The following GPC5 variants were observed in gnomAD, a reference collection of about 807,000 sequenced individuals.
GPC5 encodes glypican 5.
In GPC5, 47 loss-of-function variants were observed where a neutral mutation model predicts 53.9. That is an observed-to-expected ratio of 0.87 (90% CI 0.69 to 1.11). The LOEUF (loss-of-function observed/expected upper bound fraction) is 1.11, where lower values mean the gene tolerates loss of function less well. GPC5 is among the 50% of genes most tolerant of loss of function. The pLI is 0.00. For missense variants in GPC5, 748 were observed against 713.1 expected (o/e 1.05, Z -0.56); for synonymous variants, 286 against 263.3 (o/e 1.09, Z -0.84).
At chr13:92,676,193 G>T (rs1431917254) in intron 7 of GPC5, among the ~76,000 whole-genome samples, 2 of 152,074 alleles carry the variant, frequency 1.3e-5, no homozygotes, top group Non-Finnish European at 2.9e-5. Flanking sequence ...GACATTGATG[G>T]TTGGTGAAAA....
intron 3 of GPC5, among the ~76,000 whole-genome samples, chr13:91,726,770 G>T (rs2036583999): frequency 6.6e-6 from 1 of 152,120 alleles, no homozygotes; most frequent in Non-Finnish European, 1.5e-5. Context: ...TTCTGGCCTT[G>T]ACATTTTCCA....
At chr13:91,596,892 C>T (rs2033014147) in intron 2 of GPC5, among the ~76,000 whole-genome samples, 1 of 152,112 alleles carries the variant, frequency 6.6e-6, no homozygotes, top group Admixed American at 6.6e-5. Flanking sequence ...ATAGACTGAT[C>T]AATATTCTGG....
At chr13:92,782,537 T>A (rs1876066674) in intron 7 of GPC5, among the ~76,000 whole-genome samples, 1 of 152,104 alleles carries the variant, frequency 6.6e-6, no homozygotes, top group African/African-American at 2.4e-5. Context: ...TTTCTGACTG[T>A]AAGGGAAAAT....
chr13:92,831,738 GCT>G (rs1566436731), intron 7 of GPC5, among the ~76,000 whole-genome samples: 1 of 152,152 alleles, frequency 6.6e-6, no homozygotes, highest in Non-Finnish European at 1.5e-5. Context: ...TGTTATCTGA[GCT>G]CTCTCTGTAT....
chr13:92,324,339 A>G (rs1054541802), intron 7 of GPC5, among the ~76,000 whole-genome samples: 5 of 151,972 alleles, frequency 3.3e-5, no homozygotes, highest in Non-Finnish European at 4.4e-5. Flanking sequence ...TTTCAATGTT[A>G]ACCCCCAAAT....
intron 7 of GPC5, among the ~76,000 whole-genome samples, chr13:92,669,676 C>A (rs75828241): frequency 0.22 from 33,582 of 152,052 alleles, 4,350 homozygotes; most frequent in South Asian, 0.36. Flanking sequence ...TTCTGCTACC[C>A]AGGCATTTGT....
At chr13:91,404,695 T>C (rs1002152611) in intron 1 of GPC5, among the ~76,000 whole-genome samples, 2 of 152,248 alleles carry the variant, frequency 1.3e-5, no homozygotes, top group Non-Finnish European at 2.9e-5. Flanking sequence ...GTAAGTTGAA[T>C]GTGCAGTGTA....
chr13:92,303,938 A>T (rs947682037), intron 7 of GPC5, among the ~76,000 whole-genome samples: 3 of 152,188 alleles, frequency 2.0e-5, no homozygotes, highest in Non-Finnish European at 4.4e-5. Context: ...ACTTCACAGC[A>T]GTAGGAAAAA....
In GPC5 at chr13:91,991,736, A is replaced by C. The variant is rs551786034; in HGVS notation, c.1401+83679A>C. Among the ~76,000 whole-genome samples the C allele has an allele frequency of 9.2e-5, 14 of 152,136 alleles. No homozygotes were observed. In the East Asian group the frequency reaches 1.2e-3, roughly 13 times the overall value. ...TAAAAATACAAATGAGCTGGATAAA[A>C]TGTTCTGTCTGGTTAGAATTGGTTC... On this transcript the variant is annotated intron_variant, in intron 6 of 7. Coordinates refer to ENST00000377067, the MANE Select transcript of GPC5 (RefSeq NM_004466.6).
intron 7 of GPC5, among the ~76,000 whole-genome samples, chr13:92,552,785 A>T (rs1418397119): frequency 6.6e-6 from 1 of 151,956 alleles, no homozygotes; most frequent in East Asian, 1.9e-4. Flanking sequence ...TTGAAGTATT[A>T]AACATTGTTG....
intron 6 of GPC5, among the ~76,000 whole-genome samples, chr13:92,034,113 C>A (rs2040874629): frequency 6.6e-6 from 1 of 152,004 alleles, no homozygotes; most frequent in African/African-American, 2.4e-5. Flanking sequence ...AAACAAGAAA[C>A]AAAATCATAC....
At chr13:92,593,960 T>A (rs960591399) in intron 7 of GPC5, among the ~76,000 whole-genome samples, 1 of 152,178 alleles carries the variant, frequency 6.6e-6, no homozygotes, top group African/African-American at 2.4e-5. Flanking sequence ...TGTAATGGAA[T>A]TTTTTTAAAG....
intron 6 of GPC5, among the ~76,000 whole-genome samples, chr13:91,958,356 G>A (rs1033025956): frequency 1.6e-4 from 25 of 151,920 alleles, no homozygotes; most frequent in East Asian, 3.9e-4. Context: ...ACATATGTGC[G>A]CCCAAGGTCA....
chr13:91,948,865 G>A (rs1279844000), intron 6 of GPC5, among the ~76,000 whole-genome samples: 2 of 152,170 alleles, frequency 1.3e-5, no homozygotes, highest in Non-Finnish European at 2.9e-5. Context: ...AGTATGCTTT[G>A]TTAGTGTACA....
rs1209769806 is a variant in GPC5, at chr13:91,552,935, A to T, written c.325+104013A>T. Among the ~76,000 whole-genome samples the T allele has an allele frequency of 3.9e-5, 6 of 152,150 alleles. No homozygotes were observed. In the East Asian group the frequency reaches 9.6e-4, roughly 24 times the overall value. On this transcript the variant is annotated intron_variant, in intron 2 of 7. Coordinates refer to ENST00000377067, the MANE Select transcript of GPC5 (RefSeq NM_004466.6). ...TTCTGGAAAATATTTTACCATCTCC[A>T]AAACCAGAATACATCTTAAAGTTGA...
intron 7 of GPC5, among the ~76,000 whole-genome samples, chr13:92,512,210 A>AT (rs552592417): frequency 2.8e-4 from 42 of 149,122 alleles, no homozygotes; most frequent in African/African-American, 9.1e-4. Flanking sequence ...GATCCTAGTA[A>AT]TTTTTTTTTA....
chr13:92,700,499 T>G (rs1887699279), intron 7 of GPC5, among the ~76,000 whole-genome samples: 1 of 152,088 alleles, frequency 6.6e-6, no homozygotes, highest in African/African-American at 2.4e-5. Flanking sequence ...CCTAGCTGAT[T>G]ATTTTGCCCA....
chr13:92,345,470 T>C (rs1038532630), intron 7 of GPC5, among the ~76,000 whole-genome samples: 8 of 152,116 alleles, frequency 5.3e-5, no homozygotes, highest in African/African-American at 1.9e-4. Flanking sequence ...CTCTACCAAC[T>C]GCCCCAATCC....
chr13:92,322,473 C>G (rs575333243), intron 7 of GPC5, among the ~76,000 whole-genome samples: 19 of 152,182 alleles, frequency 1.2e-4, no homozygotes, highest in African/African-American at 4.6e-4. Flanking sequence ...GAAGAAATTA[C>G]TGGAAAATTC....
Sources: allele counts gnomAD v4.1 joint callset (sites outside exome capture counted in the v4.1 genomes callset), GRCh38; gene constraint gnomAD v4.1.1; transcripts MANE v1.5; gene names NCBI Gene and HGNC (gene_info 2026-07-23, HGNC 2026-07-21).